The following COG4 variants were observed in gnomAD, a reference collection of about 807,000 sequenced individuals.
The protein encoded by COG4 is component of oligomeric golgi complex 4, also known as conserved oligomeric Golgi complex subunit 4.
Under a neutral mutation model 95.1 loss-of-function variants are expected in COG4, and 65 were observed. That is an observed-to-expected ratio of 0.68 (90% CI 0.56 to 0.84). The LOEUF is 0.84. Among genes scored for constraint, COG4 ranks in the 40% least tolerant of loss-of-function variants. The pLI, the probability that COG4 is intolerant of heterozygous loss-of-function variation, is 0.00. For synonymous variants in COG4, 421 were observed against 374.8 expected, an observed-to-expected ratio of 1.12 and a Z score of -1.42; for missense variants, 1,045 against 989.1, an observed-to-expected ratio of 1.06 and a Z score of -0.76.
chr16:70,514,206 C>CA (rs902745149), intron 4 of COG4, 129 bp downstream of exon 4: 897 of 930,844 alleles, frequency 9.6e-4, no homozygotes, highest in Non-Finnish European at 1.2e-3. Flanking sequence ...GACTCCGTCT[C>CA]AAAAAAAAAG....
chr16:70,500,754 A>G (rs2049431992), intron 9 of COG4, among the ~76,000 whole-genome samples: 1 of 152,202 alleles, frequency 6.6e-6, no homozygotes, highest in African/African-American at 2.4e-5. Flanking sequence ...CCTCATCTGT[A>G]AAGTGATTAG....
chr16:70,496,818 A>C (rs2049349789), intron 11 of COG4, among the ~76,000 whole-genome samples: 1 of 152,184 alleles, frequency 6.6e-6, no homozygotes, highest in Non-Finnish European at 1.5e-5. Context: ...ACGAGGACGG[A>C]ATCTCCCTAA....
intron 3 of COG4, among the ~76,000 whole-genome samples, chr16:70,515,656 C>A (rs569894839): frequency 6.6e-5 from 10 of 152,160 alleles, no homozygotes; most frequent in Admixed American, 3.9e-4. Flanking sequence ...GCACTCCAGC[C>A]TGGGCAACAG....
intron 13 of COG4, among the ~76,000 whole-genome samples, chr16:70,486,769 G>A (rs1375997025): frequency 6.6e-6 from 1 of 152,168 alleles, no homozygotes; most frequent in Non-Finnish European, 1.5e-5. Flanking sequence ...GGCCGAGGCG[G>A]GCAGATCACG....
chr16:70,514,885 GT>G (rs2049790454), intron 3 of COG4, among the ~76,000 whole-genome samples: 1 of 151,428 alleles, frequency 6.6e-6, no homozygotes, highest in Admixed American at 6.6e-5. Context: ...GCTAGTTTTT[GT>G]ATTTTTTGTA....
intron 16 of COG4, 32 bp from the exon 17 acceptor site, chr16:70,481,897 C>G: frequency 6.4e-7 from 1 of 1,569,766 alleles, no homozygotes; most frequent in Non-Finnish European, 8.8e-7. Context: ...CAGCCGAGCC[C>G]CACCTAACTC....
Position 70,509,956 on chromosome 16 carries a change from A to C in COG4, c.804T>G (p.Ala268=). Residue 268 remains alanine (A), a synonymous_variant, in exon 6 of 19, where the codon GCT becomes GCG. Transcript: ENST00000323786. ...TAAGTGTATCTGCAAAGATGACTGC[A>C]GCTCTCCGATCACTCATGTCTGTCC... is the stretch of plus-strand genomic sequence containing the variant. ...VLGTDMSDRR[A]AVIFADTLTL... is the part of the protein sequence containing the mutation. 1 of 1,614,006 alleles carries C rather than the reference A, an allele frequency of 6.2e-7. No individual in the cohort carries two copies. The highest frequency in any genetic ancestry group is 8.5e-7 in the Non-Finnish European group (1 of 1,179,928).
intron 4 of COG4, 68 bp from the exon 5 acceptor site, chr16:70,512,500 T>C: frequency 7.8e-7 from 1 of 1,281,444 alleles, no homozygotes; most frequent in South Asian, 1.2e-5. Context: ...TGCCACTTTG[T>C]GTAATACTAT....
At chr16:70,499,987 T>G (rs567774516) in intron 9 of COG4, among the ~76,000 whole-genome samples, 148 of 152,002 alleles carry the variant, frequency 9.7e-4, no homozygotes, top group Non-Finnish European at 1.7e-3. Context: ...GTTTATCTTT[T>G]ATTATTTAAT....
At chr16:70,509,009 T>C (rs1597681877) in intron 7 of COG4, 1 of 613,588 alleles carries the variant, frequency 1.6e-6, no homozygotes, top group South Asian at 1.9e-5. Context: ...GAAGCTCTTT[T>C]TATTTCCGTT....
At chr16:70,517,443 C>T in intron 3 of COG4, among the ~76,000 whole-genome samples, 183 bp downstream of exon 3, 1 of 151,728 alleles carries the variant, frequency 6.6e-6, no homozygotes, top group East Asian at 2.0e-4. Flanking sequence ...CAAAAACTAG[C>T]TGGGCATAGT....
chr16:70,507,501 T>A (rs1388664772), intron 8 of COG4, among the ~76,000 whole-genome samples: 50 of 152,120 alleles, frequency 3.3e-4, no homozygotes, highest in Non-Finnish European at 8.8e-5. Context: ...AGGTGTGTAG[T>A]AGGCTAAGTA....
At chr16:70,513,565 T>A (rs1396197977) in intron 4 of COG4, among the ~76,000 whole-genome samples, 1 of 152,192 alleles carries the variant, frequency 6.6e-6, no homozygotes, top group East Asian at 1.9e-4. Flanking sequence ...TAGTAAGAGA[T>A]TAACAATAAT....
chr16:70,505,301 C>A (rs2049539922), intron 8 of COG4, among the ~76,000 whole-genome samples: 2 of 150,594 alleles, frequency 1.3e-5, no homozygotes, highest in Non-Finnish European at 3.0e-5. Context: ...GGGTTCACGC[C>A]ATTCTCCTGC....
intron 5 of COG4, among the ~76,000 whole-genome samples, chr16:70,510,566 C>T (rs912722702): frequency 6.6e-6 from 1 of 152,116 alleles, no homozygotes; most frequent in African/African-American, 2.4e-5. Context: ...CTCAAGCAAT[C>T]CTCTTGCCTC....
intron 1 of COG4, among the ~76,000 whole-genome samples, chr16:70,521,199 C>T (rs2049934668): frequency 6.6e-6 from 1 of 151,916 alleles, no homozygotes; most frequent in African/African-American, 2.4e-5. Flanking sequence ...AGGCATGAGC[C>T]ACTTGTGCCC....
In COG4 at chr16:70,481,885, ATCAGCCGAGCCCCACCTAACTCC is replaced by A; in HGVS notation, c.2005-43_2005-21del. 1.9e-6 allele frequency: 3 copies of A among 1,604,164 alleles called. No individual in the cohort carries two copies. Among genetic ancestry groups the A allele is most frequent in the Non-Finnish European group, 2.6e-6 (3 of 1,172,462 alleles). On this transcript the variant is annotated intron_variant, in intron 16 of 18. Coordinates refer to ENST00000323786, the MANE Select transcript of COG4 (RefSeq NM_015386.3). Reference sequence around the variant, plus strand: ...GCTGGCCTGCACACAGAGGGTTGACATCAGCCGAGCCCCACCTAACTCCTCTGCCTCTATGCTGGAGTCTTAGG... The same window carrying A: ...GCTGGCCTGCACACAGAGGGTTGACATCTGCCTCTATGCTGGAGTCTTAGG...
chr16:70,510,312 G>C lies in COG4; in HGVS notation c.739-291C>G, dbSNP rs1441173410. Among the ~76,000 whole-genome samples the C allele has an allele frequency of 3.3e-5, 5 of 151,968 alleles. No individual in the cohort carries two copies. In the East Asian group the frequency reaches 9.6e-4, roughly 29 times the overall value. ...CCCAGTTTCAACAATCTTCTCAAAG[G>C]GTAACTTTCTATTATTTTTTAAAAT... On this transcript the variant is annotated intron_variant, in intron 5 of 18. Transcript: ENST00000323786.
At chr16:70,522,293 C>A (rs1228492519) in intron 1 of COG4, among the ~76,000 whole-genome samples, 1 of 152,262 alleles carries the variant, frequency 6.6e-6, no homozygotes, top group South Asian at 2.1e-4. Context: ...CCGCGCCCCG[C>A]AAGATACTAA....
Sources: allele counts gnomAD v4.1 joint callset (sites outside exome capture counted in the v4.1 genomes callset), GRCh38; gene constraint gnomAD v4.1.1; transcripts MANE v1.5; gene names NCBI Gene and HGNC (gene_info 2026-07-23, HGNC 2026-07-21).